RASA2: variants seen among roughly 807,000 people sequenced by gnomAD.
The protein encoded by RASA2 is RAS p21 protein activator 2, also known as ras GTPase-activating protein 2.
RASA2 carries 155 observed loss-of-function variants against 118.2 expected under a neutral mutation model. That is an observed-to-expected ratio of 1.31 (90% CI 1.15 to 1.50). The LOEUF (loss-of-function observed/expected upper bound fraction) is 1.50. RASA2 is among the 40% of genes most tolerant of loss of function. The pLI is 0.00. For missense variants in RASA2, 1,016 were observed against 1,009.6 expected (o/e 1.01, Z -0.09); for synonymous variants, 353 against 349.1 (o/e 1.01, Z -0.12).
chr3:141,521,230 G>A (rs2082107141), intron 3 of RASA2, among the ~76,000 whole-genome samples: 2 of 152,144 alleles, frequency 1.3e-5, no homozygotes, highest in Admixed American at 6.5e-5. Context: ...TGGAATGAAC[G>A]AAATTACCTG....
Position 141,580,067 on chromosome 3 carries a change from AAG to A in RASA2, c.1591-299_1591-298del, listed in dbSNP as rs1175855247. ...TGAGACTCCATCTCAGGAAAAAAAA[AAG>A]AAAAAAAAAAAAAAAAATATATATA... On this transcript the variant is annotated intron_variant, in intron 15 of 23. Coordinates refer to ENST00000286364, the MANE Select transcript of RASA2 (RefSeq NM_006506.5). 3.4e-3 allele frequency among the ~76,000 whole-genome samples: 318 copies of A among 92,946 alleles called. 4 individuals carry two copies. The highest frequency in any genetic ancestry group is 0.012 in the African/African-American group (240 of 19,920). 61.0% of individuals were successfully genotyped at this position (92,946 alleles called of 152,430 possible).
chr3:141,597,893 C>T (rs1239141416), intron 19 of RASA2, among the ~76,000 whole-genome samples: 1 of 151,978 alleles, frequency 6.6e-6, no homozygotes, highest in Non-Finnish European at 1.5e-5. Flanking sequence ...ACTACAAATT[C>T]CAATGACATT....
intron 17 of RASA2, among the ~76,000 whole-genome samples, chr3:141,585,043 C>G (rs2083178262): frequency 6.6e-6 from 1 of 152,124 alleles, no homozygotes; most frequent in Admixed American, 6.5e-5. Context: ...GATGTTCAAC[C>G]TGTATTCTTA....
At chr3:141,494,972 A>G (rs1044772995) in intron 1 of RASA2, among the ~76,000 whole-genome samples, 6 of 152,236 alleles carry the variant, frequency 3.9e-5, no homozygotes, top group African/African-American at 1.2e-4. Flanking sequence ...TCATCTACTT[A>G]TATAACGTCT....
intron 7 of RASA2, 129 bp from the exon 8 acceptor site, chr3:141,558,757 G>C: frequency 1.4e-6 from 1 of 740,202 alleles, no homozygotes; most frequent in African/African-American, 1.8e-5. Flanking sequence ...CAGCTATTGA[G>C]TAAAATATTA....
intron 1 of RASA2, among the ~76,000 whole-genome samples, chr3:141,500,283 A>T (rs189158507): frequency 2.0e-5 from 3 of 152,276 alleles, no homozygotes; most frequent in Admixed American, 2.0e-4. Flanking sequence ...TGAAGGGGGT[A>T]AATTTGAGAC....
At chr3:141,525,412 C>T (rs1341047039) in intron 3 of RASA2, 1 of 152,028 alleles carries the variant, frequency 6.6e-6, no homozygotes, top group Non-Finnish European at 1.5e-5. Context: ...TCCCAGGTAC[C>T]TGGAACTACA....
chr3:141,581,830 A>G (rs1213939124), intron 17 of RASA2, among the ~76,000 whole-genome samples: 4 of 152,252 alleles, frequency 2.6e-5, no homozygotes, highest in Non-Finnish European at 5.9e-5. Flanking sequence ...GCAGCATACA[A>G]AAATCACTGT....
chr3:141,600,145 A>G (rs921209834), intron 19 of RASA2: 14 of 288,854 alleles, frequency 4.8e-5, no homozygotes, highest in African/African-American at 9.1e-5. Context: ...TGAAAAGACT[A>G]AAAACAGTTG....
Position 141,586,035 on chromosome 3 carries a change from A to G in RASA2, c.1763A>G (p.Glu588Gly). The G allele has an allele frequency of 6.2e-7, 1 of 1,609,650 alleles. No homozygotes were observed. Among genetic ancestry groups the G allele is most frequent in the Non-Finnish European group, 8.5e-7 (1 of 1,176,248 alleles). ...YIIAVKKFLD[E>G]ISSTETKESS... ...CATTTCCCCATTTAGTTCTTGGATG[A>G]AATTTCATCTACTGAAACTAAAGAG... is the stretch of plus-strand genomic sequence containing the variant. The change falls in exon 18 of 24, where the codon GAA (glutamate) becomes GGA (glycine). Residue 588 changes from glutamate (E) to glycine (G), a missense_variant. Around this residue, in one of 2 missense-constraint regions of RASA2, gnomAD observed 896 missense variants for 836.4 expected, o/e 1.07. Transcript: ENST00000286364.
chr3:141,571,207 C>A, intron 10 of RASA2, 139 bp downstream of exon 10: 2 of 1,122,398 alleles, frequency 1.8e-6, no homozygotes, highest in East Asian at 2.6e-5. Flanking sequence ...TACACACACA[C>A]ATTTCTATTT....
rs936399195 is a variant in RASA2 at position 141,610,215 on chromosome 3, A to G, written c.2519+149A>G. 9.1e-6 allele frequency: 5 copies of G among 547,304 alleles called. No homozygotes were observed. In the African/African-American group the frequency reaches 9.9e-5, roughly 11 times the overall value. The allele number at this position is 547,304 out of a possible 1,614,324, so 33.9% of individuals were successfully genotyped here. A position where few individuals can be genotyped will look rare whatever the true frequency, so the allele number is the denominator to read the frequency against. ...GGTGCAAGTTTCCCTGGCCACTCCA[A>G]GTGCTCTTTGTGTTGTTCAGTTTAG... is the stretch of plus-strand genomic sequence containing the variant. On this transcript the variant is annotated intron_variant, in intron 23 of 23. Coordinates refer to ENST00000286364, the MANE Select transcript of RASA2 (RefSeq NM_006506.5).
At position 141,612,608 on chromosome 3, in the gene RASA2, G is replaced by A. The variant is rs1282666211; in HGVS notation, c.*295G>A. On this transcript the variant is annotated 3_prime_UTR_variant, in exon 24 of 24. Transcript: ENST00000286364. ...TCCTAGAAAAGCTTTGTAACAAAGGGAGAACTCCTCCGTAGCAAGAAACCA... is the reference window on the plus strand; with the variant it reads ...TCCTAGAAAAGCTTTGTAACAAAGGAAGAACTCCTCCGTAGCAAGAAACCA... The A allele has an allele frequency of 3.5e-6, 1 of 284,204 alleles. No individual in the cohort carries two copies. Among genetic ancestry groups the A allele is most frequent in the Non-Finnish European group, 6.6e-6 (1 of 151,784 alleles). 17.6% of individuals were successfully genotyped at this position (284,204 alleles called of 1,614,324 possible). A position where few individuals can be genotyped will look rare whatever the true frequency, so the allele number is the denominator to read the frequency against.
chr3:141,606,517 C>T (rs184742380), intron 19 of RASA2, among the ~76,000 whole-genome samples: 22 of 152,182 alleles, frequency 1.4e-4, no homozygotes, highest in African/African-American at 2.4e-5. Flanking sequence ...CTTTAGGAGC[C>T]TTATATGATC....
chr3:141,592,825 GAAGT>G (rs1330665298), intron 19 of RASA2, among the ~76,000 whole-genome samples: 1 of 150,038 alleles, frequency 6.7e-6, no homozygotes, highest in Non-Finnish European at 1.5e-5. Flanking sequence ...GGAAAAAAAA[GAAGT>G]AAAGAAGGGG....
intron 19 of RASA2, among the ~76,000 whole-genome samples, chr3:141,601,532 C>A (rs2083464274): frequency 6.6e-6 from 1 of 152,022 alleles, no homozygotes; most frequent in Non-Finnish European, 1.5e-5. Context: ...GCTAGGATTT[C>A]TTGAAGAGAA....
chr3:141,555,768 G>T, intron 6 of RASA2, 72 bp from the exon 7 acceptor site: 2 of 1,310,526 alleles, frequency 1.5e-6, no homozygotes, highest in Admixed American at 2.2e-5. Context: ...AGGCTCCCTG[G>T]TTGGAAATAG....
intron 1 of RASA2, among the ~76,000 whole-genome samples, chr3:141,510,567 G>T (rs73869650): frequency 6.6e-6 from 1 of 152,152 alleles, no homozygotes; most frequent in Non-Finnish European, 1.5e-5. Context: ...TGCTATCAAA[G>T]AAACAAAATG....
At chr3:141,503,303 A>G (rs2081812605) in intron 1 of RASA2, among the ~76,000 whole-genome samples, 1 of 152,164 alleles carries the variant, frequency 6.6e-6, no homozygotes, top group African/African-American at 2.4e-5. Context: ...ACTCACATAC[A>G]TGAACAGAAG....
Sources: allele counts gnomAD v4.1 joint callset (sites outside exome capture counted in the v4.1 genomes callset), GRCh38; gene constraint gnomAD v4.1.1; regional missense constraint gnomAD v4.1.1; transcripts MANE v1.5; gene names NCBI Gene and HGNC (gene_info 2026-07-23, HGNC 2026-07-21).